The following ELMO1 variants were observed in gnomAD, a reference collection of about 807,000 sequenced individuals.
ELMO1 encodes the protein engulfment and cell motility 1.
Under a neutral mutation model 98.9 loss-of-function variants are expected in ELMO1, and 26 were observed. The observed-to-expected ratio is 0.26, with a 90% CI of 0.19 to 0.36. The LOEUF is 0.36. Among genes scored for constraint, ELMO1 ranks in the 10% least tolerant of loss-of-function variants. The pLI is 1.00. For synonymous variants in ELMO1, 346 were observed against 346.0 expected, an observed-to-expected ratio of 1.00 and a Z score of 0.00; for missense variants, 627 against 935.2, an observed-to-expected ratio of 0.67 and a Z score of 4.30.
chr7:37,103,661 AAGACTT>A (rs1374044205), intron 14 of ELMO1, among the ~76,000 whole-genome samples: 1 of 152,004 alleles, frequency 6.6e-6, no homozygotes, highest in Non-Finnish European at 1.5e-5. Flanking sequence ...CATGTACCCT[AAGACTT>A]AAAGTATAAT....
intron 4 of ELMO1, among the ~76,000 whole-genome samples, chr7:37,307,278 G>A (rs73110900): frequency 1.3e-3 from 196 of 152,258 alleles, no homozygotes; most frequent in Middle Eastern, 6.8e-3. Flanking sequence ...GCCGATGGGA[G>A]GTAACTGAAT....
chr7:37,067,082 A>T (rs1797021650), intron 15 of ELMO1, among the ~76,000 whole-genome samples: 1 of 152,248 alleles, frequency 6.6e-6, no homozygotes, highest in Non-Finnish European at 1.5e-5. Context: ...AAACTTTGTC[A>T]GAATTTAAAG....
At chr7:37,387,988 C>T (rs1010512027) in intron 1 of ELMO1, among the ~76,000 whole-genome samples, 13 of 152,098 alleles carry the variant, frequency 8.5e-5, no homozygotes, top group African/African-American at 1.9e-4. Flanking sequence ...CATGCCACCA[C>T]GCCTGGCCAA....
rs1006737889 is a variant in ELMO1 at position 37,432,985 on chromosome 7, T to C, written c.-74+15690A>G. Reference sequence around the variant, plus strand: ...CTTCTTCTGTAATGTTCGTTATATCTAGAGTGGATTTTGGCACAGTGGAAT... The same window carrying C: ...CTTCTTCTGTAATGTTCGTTATATCCAGAGTGGATTTTGGCACAGTGGAAT... On this transcript the variant is annotated intron_variant, in intron 1 of 21. Coordinates refer to ENST00000310758, the MANE Select transcript of ELMO1 (RefSeq NM_014800.11). Among the ~76,000 whole-genome samples, 22 of 152,240 alleles carry C rather than the reference T, an allele frequency of 1.4e-4. 1 individual carries two copies. The highest frequency in any genetic ancestry group is 3.2e-4 in the Non-Finnish European group (22 of 68,032).
intron 13 of ELMO1, among the ~76,000 whole-genome samples, chr7:37,167,002 C>T (rs558022549): frequency 6.6e-6 from 1 of 152,054 alleles, no homozygotes; most frequent in Admixed American, 6.5e-5. Context: ...TCAGGAGTTG[C>T]TTTATGAATC....
At chr7:37,016,363 T>C (rs535705249) in intron 15 of ELMO1, among the ~76,000 whole-genome samples, 1 of 152,350 alleles carries the variant, frequency 6.6e-6, no homozygotes, top group East Asian at 1.9e-4. Context: ...CCTCATTTTA[T>C]ATATGAGAAA....
At chr7:36,893,226 T>C (rs1805709473) in intron 17 of ELMO1, among the ~76,000 whole-genome samples, 1 of 152,328 alleles carries the variant, frequency 6.6e-6, no homozygotes, top group South Asian at 2.1e-4. Context: ...AACCATGTTA[T>C]GAAATCCAGT....
intron 15 of ELMO1, among the ~76,000 whole-genome samples, chr7:37,054,753 C>T (rs978692990): frequency 2.6e-5 from 4 of 152,174 alleles, no homozygotes; most frequent in African/African-American, 7.2e-5. Context: ...TTTTATCCAA[C>T]CCCTTGTAGA....
intron 15 of ELMO1, 112 bp from the exon 16 acceptor site, chr7:37,013,547 G>A: frequency 1.6e-6 from 2 of 1,264,284 alleles, no homozygotes; most frequent in East Asian, 2.5e-5. Flanking sequence ...CTTTGGTTCA[G>A]GCAATAATGG....
At position 37,320,652 on chromosome 7, in the gene ELMO1, A is replaced by C. The variant is rs549396768; in HGVS notation, c.79-4692T>G. On this transcript the variant is annotated intron_variant, in intron 2 of 21. Coordinates refer to ENST00000310758, the MANE Select transcript of ELMO1 (RefSeq NM_014800.11). ...TCTGAGGACTCTACATATCTATCTT[A>C]TCTCTCTGTCCCTTGAGAACAAGGC... Among the ~76,000 whole-genome samples the C allele has an allele frequency of 2.0e-5, 3 of 152,300 alleles. No individual in the cohort carries two copies. In the South Asian group the frequency reaches 6.2e-4, roughly 32 times the overall value.
chr7:36,857,290 T>C (rs1018537600), intron 21 of ELMO1, among the ~76,000 whole-genome samples: 4 of 152,200 alleles, frequency 2.6e-5, no homozygotes, highest in African/African-American at 9.7e-5. Context: ...TCTTCATAAA[T>C]AACCTTGACA....
chr7:37,268,643 A>G (rs1006563372), intron 5 of ELMO1, among the ~76,000 whole-genome samples: 1 of 152,246 alleles, frequency 6.6e-6, no homozygotes, highest in African/African-American at 2.4e-5. Context: ...ATACCACACT[A>G]GAAAGATACG....
At chr7:36,996,552 C>T (rs1792227292) in intron 16 of ELMO1, among the ~76,000 whole-genome samples, 1 of 152,130 alleles carries the variant, frequency 6.6e-6, no homozygotes, top group Non-Finnish European at 1.5e-5. Context: ...GCAGCATTGC[C>T]TCAAGGTAGC....
chr7:37,321,716 C>CAAAAA (rs565421716), intron 2 of ELMO1, among the ~76,000 whole-genome samples: 20 of 66,074 alleles, frequency 3.0e-4, no homozygotes, highest in Non-Finnish European at 4.0e-4. Flanking sequence ...GACTCCGTCT[C>CAAAAA]AAAAAAAAAA....
At chr7:37,419,500 T>C (rs1198806434) in intron 1 of ELMO1, 4 of 152,230 alleles carry the variant, frequency 2.6e-5, no homozygotes, top group Admixed American at 2.6e-4. Context: ...GTGATAACAC[T>C]TTGGAAACAG....
Position 37,009,196 on chromosome 7 carries a change from A to C in ELMO1, c.1437+4103T>G, listed in dbSNP as rs1405997128. ...ATTTCAATGAAATGATTATGGGGCT[A>C]CTTGTGTGCTGAGGTATCCAGCTGC... is the stretch of plus-strand genomic sequence containing the variant. On this transcript the variant is annotated intron_variant, in intron 16 of 21. Transcript: ENST00000310758. 2.6e-5 allele frequency among the ~76,000 whole-genome samples: 4 copies of C among 152,152 alleles called. No individual in the cohort carries two copies. The East Asian group carries it at 7.7e-4, about 29-fold the overall frequency.
intron 16 of ELMO1, among the ~76,000 whole-genome samples, chr7:36,972,764 ATATAAC>A (rs981228154): frequency 1.3e-5 from 2 of 152,178 alleles, no homozygotes; most frequent in African/African-American, 2.4e-5. Context: ...CTATATATCT[ATATAAC>A]TATATCTATA....
chr7:37,162,053 G>C (rs374422393), intron 13 of ELMO1, among the ~76,000 whole-genome samples: 1 of 149,406 alleles, frequency 6.7e-6, no homozygotes, highest in South Asian at 2.1e-4. Flanking sequence ...ATTAATGGAA[G>C]AGGGAGAGAG....
At chr7:37,231,233 C>T (rs995303535) in intron 8 of ELMO1, among the ~76,000 whole-genome samples, 3 of 151,958 alleles carry the variant, frequency 2.0e-5, no homozygotes, top group Admixed American at 1.3e-4. Context: ...GACATGACAC[C>T]TGTGGGGCCT....
Sources: gnomAD v4.1 joint callset for allele counts (sites outside exome capture counted in the v4.1 genomes callset) on GRCh38, gnomAD v4.1.1 for gene constraint, MANE v1.5 for transcripts, NCBI Gene and HGNC (gene_info 2026-07-23, HGNC 2026-07-21) for gene names.